PTPRM: variants seen among roughly 807,000 people sequenced by gnomAD.
The protein encoded by PTPRM is receptor-type tyrosine-protein phosphatase mu.
A neutral mutation model predicts 186.7 loss-of-function variants in PTPRM; 47 were observed. The ratio of observed to expected loss-of-function variants is 0.25; its 90% CI spans 0.20 to 0.32. The LOEUF (loss-of-function observed/expected upper bound fraction) is 0.32. Among genes scored for constraint, PTPRM ranks in the 10% least tolerant of loss-of-function variants. PTPRM has a pLI of 1.00. For missense variants in PTPRM, 1,494 were observed against 1,865.0 expected (o/e 0.80, Z 3.66); for synonymous variants, 668 against 674.9 (o/e 0.99, Z 0.16).
At chr18:7,634,929 C>T (rs960956472) in intron 1 of PTPRM, among the ~76,000 whole-genome samples, 1 of 152,096 alleles carries the variant, frequency 6.6e-6, no homozygotes, top group Non-Finnish European at 1.5e-5. Context: ...TATTAAATGT[C>T]CCTAAGATAA....
chr18:7,949,744 A>C (rs1244953021), intron 6 of PTPRM, among the ~76,000 whole-genome samples: 1 of 152,178 alleles, frequency 6.6e-6, no homozygotes, highest in South Asian at 2.1e-4. Flanking sequence ...AAAATGAAGC[A>C]GTGTCAGTAT....
intron 29 of PTPRM, among the ~76,000 whole-genome samples, chr18:8,381,183 A>G (rs1421874031): frequency 6.6e-6 from 1 of 152,156 alleles, no homozygotes; most frequent in African/African-American, 2.4e-5. Flanking sequence ...TCAGGCAAGC[A>G]TTAGCACAGT....
chr18:7,773,972 GCAGCA>G (rs2042460237), intron 1 of PTPRM, among the ~76,000 whole-genome samples, 172 bp from the exon 2 acceptor site: 1 of 152,156 alleles, frequency 6.6e-6, no homozygotes, highest in Non-Finnish European at 1.5e-5. Flanking sequence ...TTAATACTCA[GCAGCA>G]CTCAGCAAGG....
At chr18:7,910,415 C>T (rs181107874) in intron 4 of PTPRM, among the ~76,000 whole-genome samples, 76 of 152,312 alleles carry the variant, frequency 5.0e-4, no homozygotes, top group African/African-American at 1.7e-3. Context: ...ATGAAAAATA[C>T]ACTCCACAGG....
chr18:8,081,244 T>TA (rs2090111059), intron 9 of PTPRM, among the ~76,000 whole-genome samples: 1 of 152,176 alleles, frequency 6.6e-6, no homozygotes. Flanking sequence ...TTCAGGCACT[T>TA]ACCTGCAAAT....
intron 1 of PTPRM, among the ~76,000 whole-genome samples, chr18:7,686,741 G>A (rs2039611141): frequency 6.6e-6 from 1 of 152,012 alleles, no homozygotes; most frequent in Non-Finnish European, 1.5e-5. Context: ...TGTCTAACAT[G>A]AAAAAAACCT....
rs145931414 is a variant in PTPRM at position 7,901,071 on chromosome 18, G to A, written c.469-5434G>A. Among the ~76,000 whole-genome samples, 237 of 151,856 alleles carry A rather than the reference G, an allele frequency of 1.6e-3. 1 individual carries two copies. Among genetic ancestry groups the A allele is most frequent in the African/African-American group, 5.4e-3 (223 of 41,402 alleles). On this transcript the variant is annotated intron_variant, in intron 3 of 32. Coordinates refer to ENST00000580170, the MANE Select transcript of PTPRM (RefSeq NM_001105244.2). ...CTTTCCTCTGACCTCAATCTTTTTC[G>A]ACCCGGATGCTGGCATTTTCAAACA...
At chr18:7,744,686 A>G (rs546608443) in intron 1 of PTPRM, among the ~76,000 whole-genome samples, 1 of 152,170 alleles carries the variant, frequency 6.6e-6, no homozygotes, top group East Asian at 1.9e-4. Context: ...CCCTTGGTCT[A>G]TTTGTCTGAA....
At chr18:8,157,696 G>A (rs1170397416) in intron 14 of PTPRM, among the ~76,000 whole-genome samples, 1 of 152,190 alleles carries the variant, frequency 6.6e-6, no homozygotes, top group African/African-American at 2.4e-5. Flanking sequence ...AGGAAAAATT[G>A]TTCTCTGCAG....
At chr18:8,342,876 A>T (rs987323217) in intron 22 of PTPRM, among the ~76,000 whole-genome samples, 4 of 151,812 alleles carry the variant, frequency 2.6e-5, no homozygotes. Context: ...ATGTTCAGTG[A>T]GAGGAAGTGC....
At chr18:7,592,907 C>T (rs1438190805) in intron 1 of PTPRM, among the ~76,000 whole-genome samples, 4 of 152,012 alleles carry the variant, frequency 2.6e-5, no homozygotes, top group Non-Finnish European at 5.9e-5. Flanking sequence ...AAGGGAGACT[C>T]GGAGGTTCTG....
chr18:8,244,813 A>G (rs1451177749), intron 15 of PTPRM, among the ~76,000 whole-genome samples: 2 of 152,128 alleles, frequency 1.3e-5, no homozygotes, highest in Non-Finnish European at 2.9e-5. Flanking sequence ...GATTGATTAT[A>G]TCAAGCACAA....
intron 7 of PTPRM, among the ~76,000 whole-genome samples, chr18:8,041,346 A>G (rs16952774): frequency 6.6e-6 from 1 of 152,058 alleles, no homozygotes; most frequent in African/African-American, 2.4e-5. Flanking sequence ...TTACTCTTTC[A>G]GCTCCTTGGT....
intron 24 of PTPRM, among the ~76,000 whole-genome samples, chr18:8,373,172 A>G (rs1477188234): frequency 2.0e-5 from 3 of 152,262 alleles, no homozygotes; most frequent in African/African-American, 7.2e-5. Flanking sequence ...GTACTTTTGT[A>G]GAGCATTTCT....
intron 1 of PTPRM, among the ~76,000 whole-genome samples, chr18:7,657,013 T>C (rs1366246112): frequency 6.6e-6 from 1 of 151,496 alleles, no homozygotes; most frequent in Non-Finnish European, 1.5e-5. Flanking sequence ...AACTTTCTGC[T>C]TCTTACCAGC....
At position 7,949,274 on chromosome 18, in the gene PTPRM, C is replaced by A. The variant is rs773093730; in HGVS notation, c.757C>A (p.Arg253=). 2 of 1,613,730 alleles carry A rather than the reference C, an allele frequency of 1.2e-6. No homozygotes were observed. Among genetic ancestry groups the A allele is most frequent in the Non-Finnish European group, 1.7e-6 (2 of 1,179,762 alleles). ...ASFNVVNTTK[R]DAGKYRCMIR... ...ATTTAATGTTGTGAATACCACCAAA[C>A]GAGATGCTGGAAAGTACCGCTGCAT... is the stretch of plus-strand genomic sequence containing the variant. The change falls in exon 6 of 33, where the codon CGA becomes AGA. Residue 253 remains arginine (R), a synonymous_variant. Coordinates refer to ENST00000580170, the MANE Select transcript of PTPRM (RefSeq NM_001105244.2).
intron 14 of PTPRM, among the ~76,000 whole-genome samples, chr18:8,158,446 G>A (rs756834953): frequency 3.9e-5 from 6 of 152,078 alleles, no homozygotes; most frequent in Non-Finnish European, 5.9e-5. Context: ...CTTGGTTATC[G>A]AATCCAGGAA....
chr18:7,906,014 A>G (rs1033958678), intron 3 of PTPRM, among the ~76,000 whole-genome samples: 2 of 152,144 alleles, frequency 1.3e-5, no homozygotes, highest in Non-Finnish European at 2.9e-5. Context: ...TCTTCTTTAG[A>G]CTTTGTTTCA....
intron 2 of PTPRM, among the ~76,000 whole-genome samples, chr18:7,862,276 A>G (rs2047428687): frequency 6.6e-6 from 1 of 152,224 alleles, no homozygotes; most frequent in Admixed American, 6.5e-5. Context: ...CTATTCACTC[A>G]GGTAATTTTA....
Sources: allele counts gnomAD v4.1 joint callset (sites outside exome capture counted in the v4.1 genomes callset), GRCh38; gene constraint gnomAD v4.1.1; transcripts MANE v1.5; gene names NCBI Gene and HGNC (gene_info 2026-07-23, HGNC 2026-07-21).